The following HRH1 variants were observed in gnomAD, a reference collection of about 807,000 sequenced individuals.
HRH1 encodes the protein histamine H1 receptor.
In HRH1, 6 loss-of-function variants were observed where a neutral mutation model predicts 10.3. The ratio of observed to expected loss-of-function variants is 0.58; its 90% CI spans 0.32 to 1.15. HRH1 has a LOEUF of 1.15. HRH1 is among the 50% of genes most tolerant of loss of function. HRH1 has a pLI of 0.05. For synonymous variants in HRH1, 242 were observed against 236.7 expected (o/e 1.02, Z -0.21); for missense variants, 514 against 615.3 (o/e 0.84, Z 1.74).
chr3:11,221,761 C>T (rs977584486), intron 1 of HRH1, among the ~76,000 whole-genome samples: 1 of 152,048 alleles, frequency 6.6e-6, no homozygotes, highest in Non-Finnish European at 1.5e-5. Flanking sequence ...TCCTCCTTCC[C>T]GCAGCCCCCG....
intron 1 of HRH1, among the ~76,000 whole-genome samples, chr3:11,175,760 C>G (rs1030081587): frequency 6.6e-6 from 1 of 152,138 alleles, no homozygotes; most frequent in African/African-American, 2.4e-5. Flanking sequence ...ACACATATGT[C>G]GAATTGACAA....
At chr3:11,180,499 G>A (rs761051727) in intron 1 of HRH1, among the ~76,000 whole-genome samples, 1 of 152,172 alleles carries the variant, frequency 6.6e-6, no homozygotes, top group Non-Finnish European at 1.5e-5. Flanking sequence ...CAGAGCTCAG[G>A]TGGTAATGCT....
chr3:11,212,238 C>G (rs1294296056), intron 1 of HRH1, among the ~76,000 whole-genome samples: 1 of 152,150 alleles, frequency 6.6e-6, no homozygotes, highest in Non-Finnish European at 1.5e-5. Flanking sequence ...TGAGAAGGCT[C>G]TGCCTTCCTT....
At chr3:11,237,590 G>T (rs146765512) in intron 1 of HRH1, among the ~76,000 whole-genome samples, 2 of 148,982 alleles carry the variant, frequency 1.3e-5, no homozygotes, top group East Asian at 3.9e-4. Flanking sequence ...AAACGATTGA[G>T]GATTAAACGA....
At chr3:11,190,692 T>TA (rs933402881) in intron 1 of HRH1, among the ~76,000 whole-genome samples, 62 of 146,544 alleles carry the variant, frequency 4.2e-4, no homozygotes, top group African/African-American at 6.5e-4. Context: ...CGCAACCGGC[T>TA]AAAAAAAAAA....
At chr3:11,142,977 C>T (rs1229944932) in intron 1 of HRH1, among the ~76,000 whole-genome samples, 1 of 151,852 alleles carries the variant, frequency 6.6e-6, no homozygotes, top group African/African-American at 2.4e-5. Flanking sequence ...GATGAGTGTC[C>T]CAGGCATAGA....
chr3:11,201,040 G>A (rs980789815), intron 1 of HRH1, among the ~76,000 whole-genome samples: 1 of 152,198 alleles, frequency 6.6e-6, no homozygotes, highest in African/African-American at 2.4e-5. Flanking sequence ...AGATGCCCCT[G>A]CCCTCAAAAT....
chr3:11,146,799 CTG>C (rs1936458993), intron 1 of HRH1, among the ~76,000 whole-genome samples: 1 of 152,242 alleles, frequency 6.6e-6, no homozygotes, highest in South Asian at 2.1e-4. Context: ...CCAGAATTCT[CTG>C]TGTCCTGGCA....
At chr3:11,151,457 G>A (rs1936619349), upstream of HRH1, among the ~76,000 whole-genome samples, 1 of 152,094 alleles carries the variant, frequency 6.6e-6, no homozygotes, top group South Asian at 2.1e-4. Flanking sequence ...TTGGGTTTAA[G>A]TTACCTGCAA....
intron 1 of HRH1, among the ~76,000 whole-genome samples, chr3:11,178,057 A>C (rs1025848732): frequency 1.3e-5 from 2 of 152,206 alleles, no homozygotes; most frequent in African/African-American, 4.8e-5. Flanking sequence ...GCAGCAGAGA[A>C]GAGGTGGTGT....
intron 1 of HRH1, among the ~76,000 whole-genome samples, chr3:11,205,344 G>A (rs1047785521): frequency 1.3e-5 from 2 of 152,048 alleles, no homozygotes; most frequent in African/African-American, 4.8e-5. Flanking sequence ...GCCCTGCCCT[G>A]GCCTCTTGAT....
At chr3:11,145,301 T>C (rs1282273343) in intron 1 of HRH1, among the ~76,000 whole-genome samples, 1 of 152,118 alleles carries the variant, frequency 6.6e-6, no homozygotes, top group African/African-American at 2.4e-5. Context: ...TCAGTCAACT[T>C]CTCTTGGGAT....
At chr3:11,205,911 C>T (rs1422966884) in intron 1 of HRH1, among the ~76,000 whole-genome samples, 3 of 152,084 alleles carry the variant, frequency 2.0e-5, no homozygotes, top group East Asian at 1.9e-4. Flanking sequence ...CCGCCCGCCG[C>T]GGCCTCCCAA....
At chr3:11,195,742 A>C (rs1415007444) in intron 1 of HRH1, among the ~76,000 whole-genome samples, 1 of 152,198 alleles carries the variant, frequency 6.6e-6, no homozygotes, top group Non-Finnish European at 1.5e-5. Context: ...TCCCAAAGAA[A>C]TCAAGGCAGA....
At chr3:11,214,325 A>T (rs1429726761) in intron 1 of HRH1, among the ~76,000 whole-genome samples, 1 of 152,168 alleles carries the variant, frequency 6.6e-6, no homozygotes, top group East Asian at 1.9e-4. Context: ...TCTGGGAATC[A>T]TTTTGTTGGC....
At chr3:11,166,983 A>G (rs1165132855) in intron 1 of HRH1, among the ~76,000 whole-genome samples, 1 of 146,030 alleles carries the variant, frequency 6.8e-6, no homozygotes, top group Non-Finnish European at 1.5e-5. Flanking sequence ...TGGCTTCTCC[A>G]GGCGCATGAC....
At position 11,229,647 on chromosome 3, in the gene HRH1, T is replaced by TA. The variant is rs201708439; in HGVS notation, c.-35-29354dup. Among the ~76,000 whole-genome samples the TA allele has an allele frequency of 8.6e-4, 131 of 152,316 alleles. 2 individuals are homozygous for TA. The East Asian group carries it at 0.02, about 24-fold the overall frequency. On this transcript the variant is annotated intron_variant, in intron 1 of 1. Transcript: ENST00000431010. ...CAACCTCCCATATAAGATGGGTTTTTAACCCATCTTACTCTTGCTAAGGTT... is the reference window on the plus strand; with the variant it reads ...CAACCTCCCATATAAGATGGGTTTTTAAACCCATCTTACTCTTGCTAAGGTT...
intron 1 of HRH1, among the ~76,000 whole-genome samples, chr3:11,173,434 G>T (rs1371000455): frequency 6.6e-6 from 1 of 151,358 alleles, no homozygotes; most frequent in African/African-American, 2.4e-5. Context: ...ATGGAGTCTC[G>T]CTCTGTCGCC....
upstream of HRH1, among the ~76,000 whole-genome samples, chr3:11,153,257 T>C (rs1936687338): frequency 6.6e-6 from 1 of 152,206 alleles, no homozygotes; most frequent in South Asian, 2.1e-4. Context: ...GGACCTATTA[T>C]TGTTGTGAGG....
Sources: allele counts gnomAD v4.1 joint callset (sites outside exome capture counted in the v4.1 genomes callset), GRCh38; gene constraint gnomAD v4.1.1; transcripts MANE v1.5; gene names NCBI Gene and HGNC (gene_info 2026-07-23, HGNC 2026-07-21).